CORIN: variants seen among roughly 807,000 people sequenced by gnomAD.
The protein encoded by CORIN is atrial natriuretic peptide-converting enzyme.
A neutral mutation model predicts 125.3 loss-of-function variants in CORIN; 117 were observed. The ratio of observed to expected loss-of-function variants is 0.93; its 90% CI spans 0.80 to 1.09. The LOEUF (loss-of-function observed/expected upper bound fraction) is 1.09. CORIN is among the 50% of genes least tolerant of loss of function. The pLI is 0.00. For synonymous variants in CORIN, 450 were observed against 466.4 expected (o/e 0.96, Z 0.45); for missense variants, 1,253 against 1,306.7 (o/e 0.96, Z 0.63).
chr4:47,736,886 A>T (rs1290957544), intron 5 of CORIN, among the ~76,000 whole-genome samples: 1 of 152,242 alleles, frequency 6.6e-6, no homozygotes, highest in Non-Finnish European at 1.5e-5. Context: ...TTGCTGAAGC[A>T]GCCAGATACT....
intron 3 of CORIN, among the ~76,000 whole-genome samples, chr4:47,778,340 T>C (rs768312245): frequency 1.3e-5 from 2 of 151,924 alleles, no homozygotes; most frequent in Non-Finnish European, 2.9e-5. Context: ...GGGTCAGGAG[T>C]CTTGCCAAGA....
intron 11 of CORIN, 150 bp from the exon 12 acceptor site, chr4:47,662,006 T>A: frequency 1.5e-6 from 1 of 687,930 alleles, no homozygotes; most frequent in Non-Finnish European, 2.2e-6. Flanking sequence ...TGATAGGTAT[T>A]TGGGAAACCA....
At chr4:47,679,779 C>T (rs553077968) in intron 8 of CORIN, 1 of 180,184 alleles carries the variant, frequency 5.5e-6, no homozygotes, top group Admixed American at 6.0e-5. Context: ...AGCTTAACTA[C>T]TCATGTATTG....
chr4:47,616,989 C>T (rs1722090052), intron 19 of CORIN, among the ~76,000 whole-genome samples: 1 of 152,170 alleles, frequency 6.6e-6, no homozygotes, highest in Non-Finnish European at 1.5e-5. Flanking sequence ...CTCCACCATA[C>T]TCAAGGGAAA....
At chr4:47,740,701 A>G (rs1296569439) in intron 5 of CORIN, among the ~76,000 whole-genome samples, 3 of 151,980 alleles carry the variant, frequency 2.0e-5, no homozygotes, top group Admixed American at 6.6e-5. Context: ...AAGTTAAAGT[A>G]TGCACACTTC....
chr4:47,807,675 A>G (rs1731853782), intron 1 of CORIN, among the ~76,000 whole-genome samples: 1 of 152,212 alleles, frequency 6.6e-6, no homozygotes, highest in Non-Finnish European at 1.5e-5. Context: ...CCTGCAGCCC[A>G]TCCTGTGTGA....
intron 5 of CORIN, among the ~76,000 whole-genome samples, chr4:47,697,754 AGAG>A (rs1726086302): frequency 1.3e-5 from 2 of 151,984 alleles, no homozygotes; most frequent in Admixed American, 1.3e-4. Flanking sequence ...ATAAAAAATA[AGAG>A]GAGTGAGAAT....
Position 47,637,940 on chromosome 4 carries a change from C to A in CORIN, c.2198+3980G>T, listed in dbSNP as rs577785989. ...CTGGAAAAGCCGCAGACACTCTATG[C>A]CAGCTCATGAAAGCAGCTAGGAGGG... is the stretch of plus-strand genomic sequence containing the variant. On this transcript the variant is annotated intron_variant, in intron 16 of 21. Transcript: ENST00000273857. Among the ~76,000 whole-genome samples, 19 of 152,306 alleles carry A rather than the reference C, an allele frequency of 1.2e-4. No homozygotes were observed. The East Asian group carries it at 3.5e-3, about 28-fold the overall frequency.
chr4:47,687,055 A>AT (rs1261221048), intron 6 of CORIN, among the ~76,000 whole-genome samples: 3 of 152,202 alleles, frequency 2.0e-5, no homozygotes, highest in African/African-American at 4.8e-5. Context: ...GGATTCAGGC[A>AT]TTTTTTAAAA....
chr4:47,646,017 T>C (rs73142009), intron 13 of CORIN, among the ~76,000 whole-genome samples: 24 of 140,460 alleles, frequency 1.7e-4, no homozygotes, highest in African/African-American at 6.4e-4. Context: ...GGCACGTTCT[T>C]GGCTCACCGC....
intron 5 of CORIN, among the ~76,000 whole-genome samples, chr4:47,696,595 C>A (rs145349562): frequency 6.6e-6 from 1 of 152,220 alleles, no homozygotes; most frequent in Non-Finnish European, 1.5e-5. Flanking sequence ...AATACTACTG[C>A]AAAAATAGCA....
intron 7 of CORIN, chr4:47,683,468 CTATTAA>C (rs761826263): frequency 1.3e-5 from 4 of 309,878 alleles, no homozygotes; most frequent in Non-Finnish European, 1.2e-5. Context: ...GGAAAAAAAA[CTATTAA>C]TGCATTAACA....
At chr4:47,721,781 A>C (rs905350937) in intron 5 of CORIN, among the ~76,000 whole-genome samples, 23 of 152,308 alleles carry the variant, frequency 1.5e-4, no homozygotes, top group Admixed American at 3.3e-4. Flanking sequence ...GTACATAATA[A>C]ATGCTCAGCA....
chr4:47,734,095 T>TG (rs2109820020), intron 5 of CORIN, among the ~76,000 whole-genome samples: 1 of 152,160 alleles, frequency 6.6e-6, no homozygotes, highest in African/African-American at 2.4e-5. Flanking sequence ...GGATGGAGCC[T>TG]GGGGGACTGG....
At chr4:47,823,265 C>T (rs1230416391) in intron 1 of CORIN, among the ~76,000 whole-genome samples, 1 of 152,220 alleles carries the variant, frequency 6.6e-6, no homozygotes, top group Non-Finnish European at 1.5e-5. Flanking sequence ...CTGCTGTGTC[C>T]TTGTGACATG....
rs1721201651 is a variant in CORIN, at chr4:47,595,126, A to G, written c.*595T>C. The G allele has an allele frequency of 6.6e-6, 1 of 152,194 alleles. No homozygotes were observed. Among genetic ancestry groups the G allele is most frequent in the African/African-American group, 2.4e-5 (1 of 41,458 alleles). 9.4% of individuals were successfully genotyped at this position (152,194 alleles called of 1,614,324 possible). ...AATTATCTTGGCTTTTAATAAATCA[A>G]ATGACGAGTTACTGGGTTCAGCACA... On this transcript the variant is annotated 3_prime_UTR_variant, in exon 22 of 22. Coordinates refer to ENST00000273857, the MANE Select transcript of CORIN (RefSeq NM_006587.4).
chr4:47,664,814 G>A (rs1175617698), intron 11 of CORIN, among the ~76,000 whole-genome samples: 2 of 152,128 alleles, frequency 1.3e-5, no homozygotes, highest in African/African-American at 4.8e-5. Flanking sequence ...ATCATCAAAG[G>A]ACGTTCACAG....
chr4:47,761,084 C>A lies in CORIN; in HGVS notation c.617+2295G>T, dbSNP rs374889767. On this transcript the variant is annotated intron_variant, in intron 4 of 21. Coordinates refer to ENST00000273857, the MANE Select transcript of CORIN (RefSeq NM_006587.4). Reference sequence around the variant, plus strand: ...TCCATCCAGACCACAAAAACTTTCTCCATATCAGCAATAAGGCTGTTTTGC... The same window carrying A: ...TCCATCCAGACCACAAAAACTTTCTACATATCAGCAATAAGGCTGTTTTGC... Among the ~76,000 whole-genome samples the A allele has an allele frequency of 5.6e-4, 86 of 152,318 alleles. 1 individual carries two copies. Among genetic ancestry groups the A allele is most frequent in the African/African-American group, 2.0e-3 (84 of 41,552 alleles).
intron 19 of CORIN, among the ~76,000 whole-genome samples, chr4:47,606,102 T>TA (rs1177429510): frequency 6.6e-6 from 1 of 152,166 alleles, no homozygotes; most frequent in African/African-American, 2.4e-5. Context: ...AGCATTGTGT[T>TA]AGGGATTACA....
Sources: allele counts gnomAD v4.1 joint callset (sites outside exome capture counted in the v4.1 genomes callset), GRCh38; gene constraint gnomAD v4.1.1; transcripts MANE v1.5; gene names NCBI Gene and HGNC (gene_info 2026-07-23, HGNC 2026-07-21).